ACBD6: variants seen among roughly 807,000 people sequenced by gnomAD.
The protein encoded by ACBD6 is acyl-CoA-binding domain-containing protein 6.
In ACBD6, 28 loss-of-function variants were observed where a neutral mutation model predicts 37.2. The ratio of observed to expected loss-of-function variants is 0.75; its 90% CI spans 0.56 to 1.03. The LOEUF is 1.03. Ranked by LOEUF, ACBD6 falls within the 50% of genes least tolerant of loss-of-function variation. The pLI is 0.00. For missense variants in ACBD6, 340 were observed against 337.4 expected (o/e 1.01, Z -0.06); for synonymous variants, 113 against 126.8 (o/e 0.89, Z 0.73).
At chr1:180,311,113 A>G (rs1053729314) in intron 7 of ACBD6, among the ~76,000 whole-genome samples, 1 of 152,202 alleles carries the variant, frequency 6.6e-6, no homozygotes, top group African/African-American at 2.4e-5. Flanking sequence ...AATAAACATA[A>G]TACCTCCTCC....
At chr1:180,480,120 T>C (rs1650967540) in intron 3 of ACBD6, among the ~76,000 whole-genome samples, 1 of 152,202 alleles carries the variant, frequency 6.6e-6, no homozygotes, top group Admixed American at 6.5e-5. Flanking sequence ...ATGGTGGACT[T>C]TGTATATCAT....
At position 180,502,508 on chromosome 1, in the gene ACBD6, T is replaced by G; in HGVS notation, c.-242A>C. On this transcript the variant is annotated 5_prime_UTR_variant, in exon 1 of 8. Transcript: ENST00000367595. ...CCCAGTCGACCCGGTCTCCTCCGGC[T>G]TCCCTCCGGCCAACAGCGCGCTCAG... 9.2e-6 allele frequency: 5 copies of G among 544,792 alleles called. No homozygotes were observed. The highest frequency in any genetic ancestry group is 3.0e-5 in the Admixed American group (1 of 32,970). The allele number at this position is 544,792 out of a possible 1,614,324, so 33.7% of individuals were successfully genotyped here.
chr1:180,363,161 G>A (rs572058249), intron 6 of ACBD6, among the ~76,000 whole-genome samples: 1 of 152,298 alleles, frequency 6.6e-6, no homozygotes, highest in East Asian at 1.9e-4. Flanking sequence ...TGAGATAGCA[G>A]TACAGATTAA....
chr1:180,485,090 G>C (rs578066396), intron 3 of ACBD6, among the ~76,000 whole-genome samples: 1 of 150,250 alleles, frequency 6.7e-6, no homozygotes, highest in Non-Finnish European at 1.5e-5. Flanking sequence ...AAAAAAAAAA[G>C]TGTGTGTATC....
At chr1:180,314,337 C>T (rs1374242948) in intron 7 of ACBD6, among the ~76,000 whole-genome samples, 2 of 152,102 alleles carry the variant, frequency 1.3e-5, no homozygotes, top group Non-Finnish European at 2.9e-5. Context: ...CTCCACCTCC[C>T]AGATTCAAGC....
chr1:180,329,261 T>A (rs114464553), intron 6 of ACBD6, among the ~76,000 whole-genome samples: 3,444 of 152,338 alleles, frequency 0.023, 51 homozygotes, highest in South Asian at 0.036. Context: ...CACTAAGGTA[T>A]ATAAGGCTAT....
At chr1:180,351,269 C>T (rs575038928) in intron 6 of ACBD6, among the ~76,000 whole-genome samples, 8 of 128,074 alleles carry the variant, frequency 6.2e-5, no homozygotes, top group East Asian at 4.9e-4. Flanking sequence ...CAGTTACCTG[C>T]CAGATATTAC....
At chr1:180,422,828 G>A (rs573660359) in intron 4 of ACBD6, among the ~76,000 whole-genome samples, 13 of 152,290 alleles carry the variant, frequency 8.5e-5, no homozygotes, top group South Asian at 6.2e-4. Context: ...GATGATTAGC[G>A]TCTTGGCATT....
At chr1:180,464,586 A>G (rs12133010) in intron 3 of ACBD6, among the ~76,000 whole-genome samples, 73,936 of 152,004 alleles carry the variant, frequency 0.49, 20,789 homozygotes, top group South Asian at 0.66. Context: ...GGAAGAATCA[A>G]TATCATTAAA....
intron 3 of ACBD6, among the ~76,000 whole-genome samples, chr1:180,486,362 G>A (rs556164144): frequency 1.3e-5 from 2 of 152,362 alleles, no homozygotes; most frequent in Admixed American, 6.5e-5. Flanking sequence ...AGCTCATACA[G>A]TTTGCCATGC....
At chr1:180,457,181 G>A (rs1423608776) in intron 3 of ACBD6, among the ~76,000 whole-genome samples, 6 of 152,040 alleles carry the variant, frequency 3.9e-5, no homozygotes, top group East Asian at 1.9e-4. Context: ...AGAGATCCAC[G>A]GGGCCAAAGG....
At chr1:180,487,909 A>G (rs1430123831) in intron 3 of ACBD6, among the ~76,000 whole-genome samples, 2 of 152,198 alleles carry the variant, frequency 1.3e-5, no homozygotes, top group Non-Finnish European at 2.9e-5. Flanking sequence ...TTTCCAACTG[A>G]TAGCAATCAG....
At chr1:180,385,465 T>C (rs1023957642) in intron 6 of ACBD6, among the ~76,000 whole-genome samples, 3 of 150,424 alleles carry the variant, frequency 2.0e-5, no homozygotes, top group Non-Finnish European at 4.4e-5. Context: ...AGATACAGTG[T>C]TATGGACTAA....
intron 6 of ACBD6, among the ~76,000 whole-genome samples, chr1:180,319,715 T>C (rs1034667581): frequency 1.3e-5 from 2 of 152,172 alleles, no homozygotes; most frequent in Admixed American, 6.5e-5. Context: ...TGAGTTCAAC[T>C]ATTTTAATTT....
At chr1:180,307,881 G>C (rs546317448) in intron 7 of ACBD6, among the ~76,000 whole-genome samples, 1 of 152,292 alleles carries the variant, frequency 6.6e-6, no homozygotes, top group African/African-American at 2.4e-5. Context: ...CTTGAACCTG[G>C]GAGGCGGAGG....
intron 6 of ACBD6, among the ~76,000 whole-genome samples, chr1:180,396,897 A>G (rs1558281816): frequency 6.6e-6 from 1 of 152,204 alleles, no homozygotes; most frequent in Admixed American, 6.5e-5. Context: ...AGTTGCTCAA[A>G]AAGTTAAACA....
intron 6 of ACBD6, among the ~76,000 whole-genome samples, chr1:180,370,373 G>A (rs1653216483): frequency 6.6e-6 from 1 of 152,054 alleles, no homozygotes; most frequent in Middle Eastern, 3.2e-3. Context: ...TTTAGGCTGA[G>A]GGAGTATCTA....
At chr1:180,362,055 TC>T (rs151270362) in intron 6 of ACBD6, among the ~76,000 whole-genome samples, 2,983 of 152,146 alleles carry the variant, frequency 0.02, 100 homozygotes, top group African/African-American at 0.067. Flanking sequence ...CTCTCCTGAA[TC>T]ATCACCTTAA....
chr1:180,282,606 C>T (rs547062024), intron 8 of ACBD6, among the ~76,000 whole-genome samples: 30 of 152,280 alleles, frequency 2.0e-4, no homozygotes, highest in Admixed American at 1.8e-3. Flanking sequence ...AAGGTTGCCT[C>T]CTCACTGGCC....
Sources: allele counts gnomAD v4.1 joint callset (sites outside exome capture counted in the v4.1 genomes callset), GRCh38; gene constraint gnomAD v4.1.1; transcripts MANE v1.5; gene names NCBI Gene and HGNC (gene_info 2026-07-23, HGNC 2026-07-21).